The following LRRD1 variants were observed in gnomAD, a reference collection of about 807,000 sequenced individuals.
LRRD1 encodes the protein leucine rich repeats and death domain containing 1, also known as leucine-rich repeat and death domain-containing protein 1.
LRRD1 carries 49 observed loss-of-function variants against 69.5 expected under a neutral mutation model. The ratio of observed to expected loss-of-function variants is 0.70; its 90% CI spans 0.56 to 0.89. The LOEUF is 0.89. Among genes scored for constraint, LRRD1 ranks in the 40% least tolerant of loss-of-function variants. The probability of loss-of-function intolerance (pLI) is 0.00; values close to 1 mark genes in which losing one functional copy is unlikely to be tolerated. For synonymous variants in LRRD1, 303 were observed against 338.9 expected, an observed-to-expected ratio of 0.89 and a Z score of 1.16; for missense variants, 853 against 956.0, an observed-to-expected ratio of 0.89 and a Z score of 1.42.
chr7:92,147,105 C>A (rs1396221287), intron 4 of LRRD1, among the ~76,000 whole-genome samples: 1 of 147,934 alleles, frequency 6.8e-6, no homozygotes, highest in African/African-American at 2.5e-5. Context: ...ACTCTTGTTG[C>A]CCAGGCTGGA....
chr7:92,152,732 G>A (rs528084016), intron 3 of LRRD1, among the ~76,000 whole-genome samples: 28 of 150,236 alleles, frequency 1.9e-4, no homozygotes, highest in African/African-American at 6.6e-4. Context: ...GTGCAGTGGC[G>A]TCACCTCAGC....
chr7:92,165,199 A>G lies in LRRD1; in HGVS notation c.4T>C (p.Ser2Pro), dbSNP rs1352221936. ...ACTTCTGACATACCCTCCTTTTCAG[A>G]CATCTTATTTGCTGATATGTTTTAT... is the stretch of plus-strand genomic sequence containing the variant. M[S>P]EKEGMSEVLE... Residue 2 changes from serine (S) to proline (P), a missense_variant, in exon 2 of 6, where the codon TCT becomes CCT. Ser to Pro is a moderately conservative substitution (Grantham distance 74). Transcript: ENST00000458448. 1 of 1,448,034 alleles carries G rather than the reference A, an allele frequency of 6.9e-7. No individual in the cohort carries two copies. The highest frequency in any genetic ancestry group is 9.2e-7 in the Non-Finnish European group (1 of 1,090,862). The allele number at this position is 1,448,034 out of a possible 1,614,324, so 89.7% of individuals were successfully genotyped here.
Position 92,165,019 on chromosome 7 carries a change from G to T in LRRD1, c.184C>A (p.Gln62Lys). 6.4e-7 allele frequency: 1 copy of T among 1,551,348 alleles called. No individual in the cohort carries two copies. The highest frequency in any genetic ancestry group is 8.7e-7 in the Non-Finnish European group (1 of 1,146,874). Residue 62 changes from glutamine (Q) to lysine (K), a missense_variant, in exon 2 of 6, where the codon CAG becomes AAG. Around this residue, in one of 3 missense-constraint regions of LRRD1, gnomAD observed 99 missense variants for 107.0 expected, o/e 0.92. Transcript: ENST00000458448. ...GAAGATGTTGACTCTAATGTATTCT[G>T]TCTAGGATGTGTTTCATAAATCTGG... ...SNQIYETHPR[Q>K]NTLESTSSSG...
intron 1 of LRRD1, among the ~76,000 whole-genome samples, chr7:92,174,962 G>C (rs1364744304): frequency 6.6e-6 from 1 of 151,882 alleles, no homozygotes; most frequent in African/African-American, 2.4e-5. Context: ...CAGCTACTTG[G>C]GACGCTGAGG....
intron 3 of LRRD1, among the ~76,000 whole-genome samples, chr7:92,157,741 A>G (rs950549295): frequency 1.6e-4 from 24 of 149,428 alleles, no homozygotes; most frequent in Admixed American, 3.3e-4. Flanking sequence ...ACACCTGACT[A>G]ATTTTTTTTT....
At chr7:92,173,460 T>C (rs1789100025) in intron 1 of LRRD1, among the ~76,000 whole-genome samples, 1 of 152,108 alleles carries the variant, frequency 6.6e-6, no homozygotes, top group African/African-American at 2.4e-5. Context: ...TGACAACGAA[T>C]TAACCAGAAT....
chr7:92,154,898 T>A (rs7783674), intron 3 of LRRD1, among the ~76,000 whole-genome samples: 65,763 of 151,994 alleles, frequency 0.43, 14,963 homozygotes, highest in African/African-American at 0.57. Context: ...GTCAATCAGA[T>A]CACATCTGTT....
chr7:92,158,740 G>A (rs1788730031), intron 3 of LRRD1, among the ~76,000 whole-genome samples: 1 of 151,920 alleles, frequency 6.6e-6, no homozygotes, highest in Non-Finnish European at 1.5e-5. Context: ...GTTCAGAAAG[G>A]GAAGAAATAC....
At position 92,169,385 on chromosome 7, in the gene LRRD1, G is replaced by T. The variant is rs372020491; in HGVS notation, c.-74-4109C>A. On this transcript the variant is annotated intron_variant, in intron 1 of 5. Coordinates refer to ENST00000458448, the MANE Select transcript of LRRD1 (RefSeq NM_001161528.2). ...TGGAACTGAGAGGCTGGGCACGGTG[G>T]TTCATGTCTGTAATCCCAGCACTTT... Among the ~76,000 whole-genome samples, 17 of 150,082 alleles carry T rather than the reference G, an allele frequency of 1.1e-4. No homozygotes were observed. The South Asian group carries it at 3.6e-3, about 32-fold the overall frequency.
At chr7:92,174,085 A>G (rs1331279129) in intron 1 of LRRD1, among the ~76,000 whole-genome samples, 1 of 152,166 alleles carries the variant, frequency 6.6e-6, no homozygotes, top group East Asian at 1.9e-4. Context: ...ACAAAAAGAT[A>G]AATATCATAT....
At chr7:92,157,117 A>G (rs994596665) in intron 3 of LRRD1, among the ~76,000 whole-genome samples, 11 of 149,504 alleles carry the variant, frequency 7.4e-5, no homozygotes, top group African/African-American at 2.7e-4. Flanking sequence ...TGCAGCCTCA[A>G]ACTCCTGGGC....
intron 1 of LRRD1, among the ~76,000 whole-genome samples, chr7:92,174,509 ATTTTTTTTTTTTTT>A (rs35052440): frequency 3.1e-4 from 4 of 12,872 alleles, no homozygotes; most frequent in Admixed American, 1.5e-3. Flanking sequence ...ATATATATAT[ATTTTTTTTTTTTTT>A]TTTTTTTTTT....
At chr7:92,155,520 G>C (rs947101949) in intron 3 of LRRD1, among the ~76,000 whole-genome samples, 2 of 152,134 alleles carry the variant, frequency 1.3e-5, no homozygotes, top group Non-Finnish European at 2.9e-5. Flanking sequence ...ACCACATAGT[G>C]GTCAGTCAGG....
intron 4 of LRRD1, among the ~76,000 whole-genome samples, chr7:92,147,884 G>A (rs1181099040): frequency 2.0e-5 from 3 of 152,004 alleles, no homozygotes; most frequent in Non-Finnish European, 4.4e-5. Flanking sequence ...AGCATGTGCC[G>A]CCATGCCTGG....
At chr7:92,149,990 C>T (rs1820425496) in intron 4 of LRRD1, 2 of 428,646 alleles carry the variant, frequency 4.7e-6, no homozygotes, top group Admixed American at 5.0e-5. Context: ...GGAAACAGCC[C>T]ACCCCTCCTC....
At chr7:92,143,608 G>A (rs566002496), downstream of LRRD1, among the ~76,000 whole-genome samples, 2,633 of 152,210 alleles carry the variant, frequency 0.017, 64 homozygotes, top group African/African-American at 0.06. Flanking sequence ...TGGGCTGGCC[G>A]GCCGCTCCGA....
chr7:92,171,046 C>T (rs1475446384), intron 1 of LRRD1, among the ~76,000 whole-genome samples: 1 of 151,798 alleles, frequency 6.6e-6, no homozygotes, highest in Non-Finnish European at 1.5e-5. Context: ...ACAGCAAAAG[C>T]AGTATTAAGA....
At chr7:92,174,509 ATTTTTTTTT>A (rs35052440) in intron 1 of LRRD1, among the ~76,000 whole-genome samples, 28 of 12,868 alleles carry the variant, frequency 2.2e-3, no homozygotes, top group South Asian at 3.6e-3. Context: ...ATATATATAT[ATTTTTTTTT>A]TTTTTTTTTT....
chr7:92,144,839 CA>C, downstream of LRRD1: 1 of 1,130,108 alleles, frequency 8.8e-7, no homozygotes, highest in Non-Finnish European at 1.2e-6. Context: ...AACACAGTTT[CA>C]ATTATAAGTG....
Sources: allele counts gnomAD v4.1 joint callset (sites outside exome capture counted in the v4.1 genomes callset), GRCh38; gene constraint gnomAD v4.1.1; regional missense constraint gnomAD v4.1.1; transcripts MANE v1.5; gene names NCBI Gene and HGNC (gene_info 2026-07-23, HGNC 2026-07-21).